The following ATG5 variants were observed in gnomAD, a reference collection of about 807,000 sequenced individuals.
ATG5 encodes the protein autophagy related 5.
In ATG5, 14 loss-of-function variants were observed where a neutral mutation model predicts 36.5. The ratio of observed to expected loss-of-function variants is 0.38; its 90% CI spans 0.25 to 0.60. The LOEUF is 0.60. Ranked by LOEUF, ATG5 falls within the 20% of genes least tolerant of loss-of-function variation. The probability of loss-of-function intolerance (pLI) is 0.60; values close to 1 mark genes in which losing one functional copy is unlikely to be tolerated. For missense variants in ATG5, 195 were observed against 326.7 expected (o/e 0.60, Z 3.11); for synonymous variants, 95 against 101.5 (o/e 0.94, Z 0.38).
chr6:106,230,735 T>C (rs1777650290), intron 6 of ATG5, among the ~76,000 whole-genome samples: 1 of 151,812 alleles, frequency 6.6e-6, no homozygotes, highest in Non-Finnish European at 1.5e-5. Context: ...GACTCTCAGA[T>C]GCTAAGAAAA....
chr6:106,227,847 A>G lies in ATG5; in HGVS notation c.573+20303T>C, dbSNP rs575191437. ...AAATACAGAATACAGAACAGGATATAAAATCTTATCAGGTAAAGTTAGGCA... is the reference window on the plus strand; with the variant it reads ...AAATACAGAATACAGAACAGGATATGAAATCTTATCAGGTAAAGTTAGGCA... On this transcript the variant is annotated intron_variant, in intron 6 of 7. Transcript: ENST00000369076. 2.9e-4 allele frequency among the ~76,000 whole-genome samples: 44 copies of G among 152,366 alleles called. 1 individual carries two copies. Among genetic ancestry groups the G allele is most frequent in the Admixed American group, 2.5e-3 (39 of 15,298 alleles).
chr6:106,316,245 T>C lies in ATG5; in HGVS notation c.-37A>G, dbSNP rs140026982. ...TTAAAGCAGTACATACAGGCTAAAT[T>C]CTTATTTCAACCAAAGCCAAACTGA... On this transcript the variant is annotated 5_prime_UTR_variant, in exon 2 of 8. Coordinates refer to ENST00000369076, the MANE Select transcript of ATG5 (RefSeq NM_004849.4). The C allele has an allele frequency of 2.0e-4, 317 of 1,551,090 alleles. 1 individual carries two copies. In the African/African-American group the frequency reaches 3.4e-3, roughly 16 times the overall value.
At chr6:106,241,341 A>G (rs1582597112) in intron 6 of ATG5, among the ~76,000 whole-genome samples, 1 of 152,224 alleles carries the variant, frequency 6.6e-6, no homozygotes, top group East Asian at 1.9e-4. Flanking sequence ...AGAACAGAAA[A>G]TAATAAATAT....
chr6:106,291,047 A>AGTCTTT (rs1780287349), intron 4 of ATG5, among the ~76,000 whole-genome samples: 3 of 152,200 alleles, frequency 2.0e-5, no homozygotes, highest in Admixed American at 1.3e-4. Flanking sequence ...CAACAACCAC[A>AGTCTTT]GTTTGTCTGT....
At chr6:106,189,310 A>G (rs559417790) in intron 7 of ATG5, among the ~76,000 whole-genome samples, 61 of 152,310 alleles carry the variant, frequency 4.0e-4, no homozygotes, top group African/African-American at 1.5e-3. Flanking sequence ...ATCAAAACCA[A>G]TAAAAGAAAA....
intron 6 of ATG5, among the ~76,000 whole-genome samples, chr6:106,211,776 T>C (rs552618195): frequency 1.3e-5 from 2 of 152,342 alleles, no homozygotes; most frequent in South Asian, 4.1e-4. Flanking sequence ...GAGGCTTAGA[T>C]GGACATTCTA....
intron 6 of ATG5, among the ~76,000 whole-genome samples, chr6:106,207,368 T>C (rs1776673102): frequency 6.6e-6 from 1 of 152,200 alleles, no homozygotes; most frequent in Non-Finnish European, 1.5e-5. Flanking sequence ...TTTTCTTAAA[T>C]AGTTCAAGTG....
chr6:106,197,094 A>G (rs545129516), intron 7 of ATG5, among the ~76,000 whole-genome samples: 1 of 152,340 alleles, frequency 6.6e-6, no homozygotes, highest in South Asian at 2.1e-4. Flanking sequence ...ATTACAGAAC[A>G]CATTACTTCC....
intron 2 of ATG5, among the ~76,000 whole-genome samples, chr6:106,315,882 G>A (rs1158779385): frequency 2.0e-5 from 3 of 152,108 alleles, no homozygotes; most frequent in Non-Finnish European, 1.5e-5. Flanking sequence ...AGTCCAGAAC[G>A]CATCATGACA....
intron 4 of ATG5, among the ~76,000 whole-genome samples, chr6:106,286,583 T>C (rs1382705556): frequency 6.6e-6 from 1 of 152,204 alleles, no homozygotes; most frequent in Non-Finnish European, 1.5e-5. Context: ...CCCTTGCATG[T>C]GGGCAGAACC....
At chr6:106,325,175 A>T (rs1582703236) in intron 1 of ATG5, 1 of 152,262 alleles carries the variant, frequency 6.6e-6, no homozygotes, top group Non-Finnish European at 1.5e-5. Flanking sequence ...GGACAGACTC[A>T]CACTGCACTG....
chr6:106,261,851 C>A (rs1026926839), intron 5 of ATG5, among the ~76,000 whole-genome samples: 2 of 152,152 alleles, frequency 1.3e-5, no homozygotes, highest in African/African-American at 4.8e-5. Context: ...GGGCAGTGTG[C>A]TACTGGCATC....
chr6:106,299,812 G>T (rs1770132583), intron 3 of ATG5, among the ~76,000 whole-genome samples: 1 of 152,158 alleles, frequency 6.6e-6, no homozygotes, highest in African/African-American at 2.4e-5. Context: ...AGCACTGAAA[G>T]AATTTTCCCC....
intron 5 of ATG5, among the ~76,000 whole-genome samples, chr6:106,260,400 AAG>A (rs1396453809): frequency 6.6e-6 from 1 of 152,242 alleles, no homozygotes; most frequent in African/African-American, 2.4e-5. Context: ...TCTAACGGGA[AAG>A]AGAGAAATAC....
intron 6 of ATG5, 151 bp from the exon 7 acceptor site, chr6:106,202,240 G>A: frequency 1.9e-6 from 1 of 521,944 alleles, no homozygotes; most frequent in South Asian, 3.1e-5. Flanking sequence ...GTATCACTGT[G>A]AAAAATGTTT....
intron 7 of ATG5, among the ~76,000 whole-genome samples, chr6:106,200,964 C>T (rs994268669): frequency 6.6e-6 from 1 of 152,148 alleles, no homozygotes; most frequent in Non-Finnish European, 1.5e-5. Flanking sequence ...AAAATCCACC[C>T]AGGCTCAAGT....
At chr6:106,201,899 T>C (rs757894085) in intron 7 of ATG5, 73 bp downstream of exon 7, 27 of 1,147,126 alleles carry the variant, frequency 2.4e-5, no homozygotes, top group Non-Finnish European at 3.2e-5. Context: ...CTGTTGTTTA[T>C]AAATGTGGAA....
intron 4 of ATG5, among the ~76,000 whole-genome samples, chr6:106,292,184 T>C (rs778355878): frequency 1.2e-4 from 19 of 152,304 alleles, no homozygotes; most frequent in African/African-American, 2.2e-4. Flanking sequence ...GGTGAAATCA[T>C]TGCTATTTGA....
At chr6:106,275,632 A>C (rs946287503) in intron 5 of ATG5, among the ~76,000 whole-genome samples, 2 of 152,252 alleles carry the variant, frequency 1.3e-5, no homozygotes, top group Non-Finnish European at 2.9e-5. Flanking sequence ...ACAGTCACAT[A>C]AGAAACAATA....
Sources: gnomAD v4.1 joint callset for allele counts (sites outside exome capture counted in the v4.1 genomes callset) on GRCh38, gnomAD v4.1.1 for gene constraint, MANE v1.5 for transcripts, NCBI Gene and HGNC (gene_info 2026-07-23, HGNC 2026-07-21) for gene names.